The following PHLDB2 variants were observed in gnomAD, a reference collection of about 807,000 sequenced individuals.
PHLDB2 encodes the protein pleckstrin homology-like domain family B member 2.
Under a neutral mutation model 123.6 loss-of-function variants are expected in PHLDB2, and 71 were observed. The observed-to-expected ratio is 0.57, with a 90% CI of 0.47 to 0.70. The LOEUF (loss-of-function observed/expected upper bound fraction) is 0.70, where lower values mean the gene tolerates loss of function less well. Among genes scored for constraint, PHLDB2 ranks in the 30% least tolerant of loss-of-function variants. PHLDB2 has a pLI of 0.00. For missense variants in PHLDB2, 1,446 were observed against 1,519.5 expected (o/e 0.95, Z 0.80); for synonymous variants, 547 against 541.6 (o/e 1.01, Z -0.14).
In PHLDB2 at chr3:111,885,458, A is replaced by G. The variant is rs755177651; in HGVS notation, c.1335+46A>G. ...GATTGACCTCACTGTTTCATTAACC[A>G]GCATCTACAGGGCAGCCTTGGAGAT... On this transcript the variant is annotated intron_variant, in intron 2 of 17. Transcript: ENST00000431670. The G allele has an allele frequency of 1.9e-6, 3 of 1,612,366 alleles. No homozygotes were observed. In the African/African-American group the frequency reaches 4.0e-5, roughly 22 times the overall value.
chr3:111,897,566 T>C (rs1183929757), intron 2 of PHLDB2, among the ~76,000 whole-genome samples: 5 of 152,232 alleles, frequency 3.3e-5, no homozygotes, highest in Admixed American at 6.5e-5. Flanking sequence ...GTATTTCTTA[T>C]TCAAAATTGC....
At chr3:111,953,311 T>G (rs147632995) in intron 11 of PHLDB2, among the ~76,000 whole-genome samples, 28 of 152,220 alleles carry the variant, frequency 1.8e-4, no homozygotes, top group African/African-American at 6.0e-4. Context: ...AGGGGATCAT[T>G]GTGGCAAGAG....
At chr3:111,941,260 C>T (rs1046800691) in intron 8 of PHLDB2, among the ~76,000 whole-genome samples, 4 of 152,164 alleles carry the variant, frequency 2.6e-5, no homozygotes, top group Non-Finnish European at 4.4e-5. Context: ...AAAAGCAAGC[C>T]GTAGCCTAAC....
At chr3:111,754,334 G>A (rs2059842809) in intron 1 of PHLDB2, among the ~76,000 whole-genome samples, 1 of 145,028 alleles carries the variant, frequency 6.9e-6, no homozygotes, top group African/African-American at 2.6e-5. Context: ...ATTGAGCAGT[G>A]GTTTGTAGCT....
intron 5 of PHLDB2, among the ~76,000 whole-genome samples, chr3:111,931,042 C>T (rs997718367): frequency 3.3e-5 from 5 of 152,090 alleles, no homozygotes; most frequent in Admixed American, 6.5e-5. Flanking sequence ...AAATCATGGC[C>T]ATTTTGATAA....
Position 111,917,517 on chromosome 3 carries a change from C to G in PHLDB2, c.1720-1555C>G, listed in dbSNP as rs1265765832. 2.0e-5 allele frequency: 3 copies of G among 152,214 alleles called. No homozygotes were observed. In the East Asian group the frequency reaches 5.8e-4, roughly 29 times the overall value. 9.4% of individuals were successfully genotyped at this position (152,214 alleles called of 1,614,324 possible). Reference sequence around the variant, plus strand: ...ACAGTGATTCTGGAATGCCATTTCACTGTTACAGGCATTCCTCATGGCTTA... The same window carrying G: ...ACAGTGATTCTGGAATGCCATTTCAGTGTTACAGGCATTCCTCATGGCTTA... On this transcript the variant is annotated intron_variant, in intron 3 of 17. Transcript: ENST00000431670.
In PHLDB2 at chr3:111,870,245, TG is replaced by T. The variant is rs138710409; in HGVS notation, c.-15+10673del. Among the ~76,000 whole-genome samples the T allele has an allele frequency of 3.9e-3, 590 of 152,198 alleles. 25 individuals are homozygous for T. In the East Asian group the frequency reaches 0.097, roughly 25 times the overall value. On this transcript the variant is annotated intron_variant, in intron 1 of 17. Transcript: ENST00000431670. ...AATAGCATTGGAAGGAGAGAGGATC[TG>T]GGGCTGTTTGCTTAGAGGGGGGTGT... is the stretch of plus-strand genomic sequence containing the variant.
intron 1 of PHLDB2, among the ~76,000 whole-genome samples, chr3:111,844,626 C>T (rs2108572144): frequency 6.6e-6 from 1 of 152,286 alleles, no homozygotes; most frequent in Non-Finnish European, 1.5e-5. Flanking sequence ...TATTTTTCTA[C>T]CTCCAATTCT....
At chr3:111,876,922 G>A (rs970715197) in intron 1 of PHLDB2, among the ~76,000 whole-genome samples, 5 of 152,166 alleles carry the variant, frequency 3.3e-5, no homozygotes, top group African/African-American at 9.7e-5. Context: ...AGGCTGCATA[G>A]TATTCCATGG....
rs941656084 is a variant in PHLDB2, at chr3:111,769,811, A to G, written c.-49+37108A>G. 2.6e-4 allele frequency among the ~76,000 whole-genome samples: 40 copies of G among 152,328 alleles called. 1 individual carries two copies. Among genetic ancestry groups the G allele is most frequent in the African/African-American group, 9.6e-4 (40 of 41,572 alleles). On this transcript the variant is annotated intron_variant, in intron 1 of 17. Coordinates refer to the PHLDB2 transcript ENST00000393923. ...TGTATGATCTTTAGCTGCTCTATTCAGTAAGTATTTGGGCAGATGGATGCA... is the reference window on the plus strand; with the variant it reads ...TGTATGATCTTTAGCTGCTCTATTCGGTAAGTATTTGGGCAGATGGATGCA...
At chr3:111,837,519 C>T (rs534077494) in intron 1 of PHLDB2, among the ~76,000 whole-genome samples, 2 of 152,212 alleles carry the variant, frequency 1.3e-5, no homozygotes, top group East Asian at 3.9e-4. Context: ...CTGGATTACA[C>T]AAAATTAAGT....
chr3:111,792,500 G>T (rs2060970910), intron 1 of PHLDB2, among the ~76,000 whole-genome samples: 1 of 152,072 alleles, frequency 6.6e-6, no homozygotes, highest in Admixed American at 6.5e-5. Context: ...GAGCCCAGAA[G>T]TTCAAGACCA....
intron 2 of PHLDB2, among the ~76,000 whole-genome samples, chr3:111,853,233 A>C (rs2064338468): frequency 6.6e-6 from 1 of 152,228 alleles, no homozygotes; most frequent in African/African-American, 2.4e-5. Flanking sequence ...ATTTAATGGT[A>C]AGCTTGACTC....
intron 10 of PHLDB2, 120 bp from the exon 11 acceptor site, chr3:111,952,452 C>A: frequency 1.8e-6 from 2 of 1,138,676 alleles, no homozygotes; most frequent in Non-Finnish European, 1.2e-6. Context: ...TGTTGAATAA[C>A]TTTAAGAAAA....
chr3:111,928,702 T>G (rs2068944682), intron 5 of PHLDB2, among the ~76,000 whole-genome samples: 1 of 152,194 alleles, frequency 6.6e-6, no homozygotes, highest in Non-Finnish European at 1.5e-5. Flanking sequence ...AATTTATCTT[T>G]GTCTATATAT....
intron 1 of PHLDB2, among the ~76,000 whole-genome samples, chr3:111,789,702 T>C (rs1418555343): frequency 6.6e-6 from 1 of 152,174 alleles, no homozygotes; most frequent in Non-Finnish European, 1.5e-5. Context: ...GATAATAATA[T>C]ATATTATGTG....
chr3:111,797,780 C>G (rs2061220789), intron 1 of PHLDB2, among the ~76,000 whole-genome samples: 1 of 152,166 alleles, frequency 6.6e-6, no homozygotes, highest in African/African-American at 2.4e-5. Flanking sequence ...ACAGAACAAC[C>G]AAGCCTCAGA....
chr3:111,974,272 G>GGACA, intron 17 of PHLDB2, 151 bp from the exon 18 acceptor site: 1 of 638,518 alleles, frequency 1.6e-6, no homozygotes. Context: ...AAAGGCTCTG[G>GGACA]GACAGGTGTG....
intron 1 of PHLDB2, among the ~76,000 whole-genome samples, chr3:111,873,081 C>G (rs1305063128): frequency 3.3e-5 from 5 of 152,220 alleles, no homozygotes; most frequent in African/African-American, 9.6e-5. Context: ...TAACTTTCCT[C>G]TACAGATATG....
Sources: gnomAD v4.1 joint callset for allele counts (sites outside exome capture counted in the v4.1 genomes callset) on GRCh38, gnomAD v4.1.1 for gene constraint, MANE v1.5 for transcripts, NCBI Gene and HGNC (gene_info 2026-07-23, HGNC 2026-07-21) for gene names.